Variants in IL1RAPL1 observed in about 807,000 individuals in gnomAD.
The protein encoded by IL1RAPL1 is interleukin-1 receptor accessory protein-like 1.
In IL1RAPL1, 3 loss-of-function variants were observed where a neutral mutation model predicts 48.4. The ratio of observed to expected loss-of-function variants is 0.06; its 90% confidence interval spans 0.03 to 0.16. The LOEUF is 0.16. IL1RAPL1 is among the 10% of genes least tolerant of loss of function. The pLI, the probability that IL1RAPL1 is intolerant of heterozygous loss-of-function variation, is 1.00. For synonymous variants in IL1RAPL1, 185 were observed against 187.7 expected (o/e 0.99, Z 0.12); for missense variants, 349 against 530.6 (o/e 0.66, Z 3.36).
intron 2 of IL1RAPL1, among the ~76,000 whole-genome samples, chrX:29,085,960 T>C (rs1276584436): frequency 8.9e-6 from 1 of 112,325 alleles, no homozygotes; most frequent in African/African-American, 3.2e-5. Context: ...CATCAGTCAC[T>C]GTGTTTGATA....
intron 3 of IL1RAPL1, among the ~76,000 whole-genome samples, chrX:29,329,313 G>A (rs1932865593): frequency 1.8e-5 from 2 of 111,380 alleles, no homozygotes; most frequent in African/African-American, 6.5e-5. Flanking sequence ...AAATTCTTAT[G>A]TAATCCCATT....
chrX:29,252,157 C>G (rs1007578899), intron 2 of IL1RAPL1, among the ~76,000 whole-genome samples: 1 of 112,619 alleles, frequency 8.9e-6, no homozygotes, highest in African/African-American at 3.3e-5. Context: ...GGAGATATAC[C>G]TAATGCTAGA....
At chrX:29,276,584 C>T (rs1386115029) in intron 2 of IL1RAPL1, among the ~76,000 whole-genome samples, 3 of 111,936 alleles carry the variant, frequency 2.7e-5, no homozygotes, top group Non-Finnish European at 5.7e-5. Context: ...TTTAGTTAAT[C>T]ACTAATTTAT....
chrX:29,688,736 C>CTCTCCT (rs746108280), intron 6 of IL1RAPL1, among the ~76,000 whole-genome samples: 1 of 46,602 alleles, frequency 2.1e-5, no homozygotes, highest in Non-Finnish European at 4.7e-5. Context: ...GCTTCTCTCT[C>CTCTCCT]TCTCTCTCTC....
At chrX:28,635,257 C>A (rs781342016) in intron 1 of IL1RAPL1, among the ~76,000 whole-genome samples, 6 of 111,947 alleles carry the variant, frequency 5.4e-5, no homozygotes, top group Non-Finnish European at 1.1e-4. Flanking sequence ...AGTTTCATGT[C>A]TTCTGTTGGC....
At chrX:28,679,292 G>A (rs1265351645) in intron 1 of IL1RAPL1, among the ~76,000 whole-genome samples, 1 of 110,559 alleles carries the variant, frequency 9.0e-6, no homozygotes, top group African/African-American at 3.3e-5. Context: ...TTTTTATTCG[G>A]GTTTTTTTTC....
intron 6 of IL1RAPL1, among the ~76,000 whole-genome samples, chrX:29,781,740 A>G (rs189286496): frequency 9.9e-5 from 11 of 111,662 alleles, no homozygotes; most frequent in East Asian, 8.5e-4. Context: ...AGAATATACA[A>G]TGTTTCTTGT....
intron 3 of IL1RAPL1, among the ~76,000 whole-genome samples, chrX:29,313,448 A>G (rs945303555): frequency 8.9e-6 from 1 of 111,939 alleles, no homozygotes; most frequent in Non-Finnish European, 1.9e-5. Context: ...CCCCCAGATA[A>G]TACTCTTCAA....
At chrX:28,666,998 G>A (rs1242719010) in intron 1 of IL1RAPL1, among the ~76,000 whole-genome samples, 1 of 111,669 alleles carries the variant, frequency 9.0e-6, no homozygotes, top group East Asian at 2.8e-4. Flanking sequence ...TTTTCTTGTA[G>A]TGTGGAGATA....
intron 1 of IL1RAPL1, among the ~76,000 whole-genome samples, chrX:28,694,869 C>A (rs1296833437): frequency 1.8e-5 from 2 of 111,329 alleles, no homozygotes; most frequent in Non-Finnish European, 3.8e-5. Flanking sequence ...ATTGGTGTGT[C>A]CTCTGGGTAT....
intron 2 of IL1RAPL1, among the ~76,000 whole-genome samples, chrX:29,006,649 G>GTA (rs1925990041): frequency 4.9e-5 from 2 of 41,203 alleles, no homozygotes; most frequent in Non-Finnish European, 8.9e-5. Flanking sequence ...TTATATATAT[G>GTA]TGTGTGTGTG....
rs951492899 is a variant in IL1RAPL1 at position 29,350,039 on chromosome X, C to T, written c.363-46219C>T. Among the ~76,000 whole-genome samples, 10 of 105,897 alleles carry T rather than the reference C, an allele frequency of 9.4e-5. No individual in the cohort carries two copies. In the South Asian group the frequency reaches 3.4e-3, roughly 36 times the overall value. The allele number at this position is 105,897 out of a possible 115,157, so 92.0% of individuals were successfully genotyped here. A position where few individuals can be genotyped will look rare whatever the true frequency, so the allele number is the denominator to read the frequency against. ...ATATGTCCACCTCTGTCACCTCTCC[C>T]GCTTCCAATGCTCCTTTATTCTTTT... On this transcript the variant is annotated intron_variant, in intron 3 of 10. Transcript: ENST00000378993.
intron 6 of IL1RAPL1, among the ~76,000 whole-genome samples, chrX:29,695,570 A>C (rs1926884753): frequency 9.4e-6 from 1 of 105,932 alleles, no homozygotes; most frequent in Non-Finnish European, 1.9e-5. Context: ...GTTCTCATTT[A>C]GACTTTCCTT....
At chrX:28,942,530 T>A in intron 2 of IL1RAPL1, 1 of 108,289 alleles carries the variant, frequency 9.2e-6, no homozygotes, top group Admixed American at 1.0e-4. Context: ...TTTGACTTAT[T>A]TCACATGGAA....
At chrX:29,756,538 G>T (rs955367194) in intron 6 of IL1RAPL1, among the ~76,000 whole-genome samples, 3 of 109,881 alleles carry the variant, frequency 2.7e-5, no homozygotes, top group African/African-American at 3.3e-5. Flanking sequence ...TCAGCCTCCC[G>T]AGTAGCTGGG....
chrX:29,353,831 G>GT (rs199572427), intron 3 of IL1RAPL1, among the ~76,000 whole-genome samples: 139 of 92,394 alleles, frequency 1.5e-3, no homozygotes, highest in East Asian at 6.6e-3. Flanking sequence ...TTTTTCCAGT[G>GT]TTTTTTTTTT....
At chrX:29,648,442 T>C (rs1925409342) in intron 5 of IL1RAPL1, among the ~76,000 whole-genome samples, 1 of 111,856 alleles carries the variant, frequency 8.9e-6, no homozygotes, top group South Asian at 3.7e-4. Flanking sequence ...CAAGTATCTT[T>C]TCAGACCATG....
chrX:29,581,880 C>T (rs1364675350), intron 5 of IL1RAPL1, among the ~76,000 whole-genome samples: 2 of 111,259 alleles, frequency 1.8e-5, no homozygotes, highest in African/African-American at 3.3e-5. Flanking sequence ...TAAGAGAGAG[C>T]ACCATCTGAA....
At chrX:29,843,702 C>T (rs1238814520) in intron 6 of IL1RAPL1, among the ~76,000 whole-genome samples, 1 of 110,786 alleles carries the variant, frequency 9.0e-6, no homozygotes, top group Non-Finnish European at 1.9e-5. Flanking sequence ...TGACTGTTTA[C>T]TCCATCTTCA....
Sources: allele counts gnomAD v4.1 joint callset (sites outside exome capture counted in the v4.1 genomes callset), GRCh38; gene constraint gnomAD v4.1.1; transcripts MANE v1.5; gene names NCBI Gene and HGNC (gene_info 2026-07-23, HGNC 2026-07-21).